LRP1B: variants seen among roughly 807,000 people sequenced by gnomAD.
The protein encoded by LRP1B is LDL receptor related protein 1B.
LRP1B carries 217 observed loss-of-function variants against 556.6 expected under a neutral mutation model. The observed-to-expected ratio is 0.39, with a 90% CI of 0.35 to 0.44. The LOEUF (loss-of-function observed/expected upper bound fraction) is 0.44, where lower values mean the gene tolerates loss of function less well. Ranked by LOEUF, LRP1B falls within the 20% of genes least tolerant of loss-of-function variation. The probability of loss-of-function intolerance (pLI) is 1.00; values close to 1 mark genes in which losing one functional copy is unlikely to be tolerated. For synonymous variants in LRP1B, 2,047 were observed against 1,865.8 expected (o/e 1.10, Z -2.50); for missense variants, 5,053 against 5,620.8 (o/e 0.90, Z 3.23).
chr2:141,159,574 T>A (rs1407711931), intron 7 of LRP1B, among the ~76,000 whole-genome samples: 1 of 152,002 alleles, frequency 6.6e-6, no homozygotes, highest in Admixed American at 6.6e-5. Flanking sequence ...CCGAGGGTAA[T>A]TCTTAAAAAG....
intron 3 of LRP1B, among the ~76,000 whole-genome samples, chr2:141,404,005 G>T (rs1292092863): frequency 4.6e-5 from 7 of 152,006 alleles, no homozygotes; most frequent in South Asian, 4.1e-4. Context: ...CTTCTTTCTG[G>T]ATCTCCAAAT....
At chr2:141,166,079 T>C (rs1329131008) in intron 7 of LRP1B, among the ~76,000 whole-genome samples, 1 of 152,008 alleles carries the variant, frequency 6.6e-6, no homozygotes, top group African/African-American at 2.4e-5. Context: ...CTACTTTTGC[T>C]TCCTTACCCC....
intron 1 of LRP1B, among the ~76,000 whole-genome samples, chr2:142,035,254 C>G (rs1312319503): frequency 1.3e-5 from 2 of 151,656 alleles, no homozygotes; most frequent in Non-Finnish European, 3.0e-5. Flanking sequence ...AACTTCCTCC[C>G]ACTTGTAACT....
At chr2:141,405,750 T>A (rs1393359233) in intron 3 of LRP1B, among the ~76,000 whole-genome samples, 1 of 152,178 alleles carries the variant, frequency 6.6e-6, no homozygotes, top group African/African-American at 2.4e-5. Flanking sequence ...TATCTTGTTA[T>A]TTTTGGTTAT....
chr2:140,515,898 CTCTA>C (rs946043533), intron 50 of LRP1B, among the ~76,000 whole-genome samples: 14 of 152,010 alleles, frequency 9.2e-5, no homozygotes, highest in African/African-American at 1.4e-4. Flanking sequence ...CTTTTTTCTA[CTCTA>C]TCTATTCACC....
intron 32 of LRP1B, among the ~76,000 whole-genome samples, chr2:140,797,747 G>C (rs1362785757): frequency 1.3e-5 from 2 of 152,060 alleles, no homozygotes; most frequent in Middle Eastern, 3.4e-3. Context: ...TTTTTAACTA[G>C]AATAAAGGTT....
intron 7 of LRP1B, among the ~76,000 whole-genome samples, chr2:141,177,320 C>T (rs1391069832): frequency 6.6e-6 from 1 of 152,062 alleles, no homozygotes; most frequent in Non-Finnish European, 1.5e-5. Flanking sequence ...TTTCTGGAAG[C>T]TAGTGTTACC....
At chr2:141,845,105 C>T (rs1490436040) in intron 1 of LRP1B, among the ~76,000 whole-genome samples, 1 of 148,582 alleles carries the variant, frequency 6.7e-6, no homozygotes, top group Admixed American at 6.9e-5. Context: ...TAATTCAGTA[C>T]TGTTATGGTC....
At chr2:141,015,101 A>G (rs1221633742) in intron 13 of LRP1B, among the ~76,000 whole-genome samples, 1 of 152,116 alleles carries the variant, frequency 6.6e-6, no homozygotes, top group Non-Finnish European at 1.5e-5. Flanking sequence ...CATGAAATAT[A>G]GAGGTTTTGT....
chr2:141,912,178 T>C (rs1276947417), intron 1 of LRP1B, among the ~76,000 whole-genome samples: 1 of 152,182 alleles, frequency 6.6e-6, no homozygotes, highest in Non-Finnish European at 1.5e-5. Context: ...GCATAAATCT[T>C]GCTTTGTCAA....
chr2:141,312,362 C>T (rs1214472139), intron 3 of LRP1B, among the ~76,000 whole-genome samples: 1 of 152,078 alleles, frequency 6.6e-6, no homozygotes, highest in Non-Finnish European at 1.5e-5. Flanking sequence ...TTTTTAATAA[C>T]ATTTTCTTTA....
chr2:141,542,572 T>G (rs1333636778), intron 2 of LRP1B, among the ~76,000 whole-genome samples: 1 of 152,110 alleles, frequency 6.6e-6, no homozygotes, highest in African/African-American at 2.4e-5. Flanking sequence ...TGCTTTGATT[T>G]TTCATCTGAA....
intron 2 of LRP1B, among the ~76,000 whole-genome samples, chr2:141,723,893 T>C (rs1337121454): frequency 1.3e-5 from 2 of 151,800 alleles, no homozygotes; most frequent in Non-Finnish European, 2.9e-5. Flanking sequence ...CTCAATCCAC[T>C]TAAAATTCAC....
intron 8 of LRP1B, 24 bp from the exon 9 acceptor site, chr2:141,059,078 T>C (rs779547688): frequency 7.3e-7 from 1 of 1,375,264 alleles, no homozygotes; most frequent in Non-Finnish European, 9.7e-7. Flanking sequence ...AAAACATAAC[T>C]ATGATTTTTA....
intron 2 of LRP1B, among the ~76,000 whole-genome samples, chr2:141,585,932 T>C (rs1415047614): frequency 1.3e-5 from 2 of 151,768 alleles, no homozygotes; most frequent in Admixed American, 6.6e-5. Flanking sequence ...TGCTCAAGCT[T>C]GTCGCGAACT....
intron 1 of LRP1B, among the ~76,000 whole-genome samples, chr2:142,073,735 T>C (rs1391929993): frequency 6.6e-6 from 1 of 151,960 alleles, no homozygotes; most frequent in Non-Finnish European, 1.5e-5. Flanking sequence ...TGGGAGGTGA[T>C]TGGGTCATGG....
chr2:141,941,285 C>T (rs1700792465), intron 1 of LRP1B, among the ~76,000 whole-genome samples: 1 of 152,188 alleles, frequency 6.6e-6, no homozygotes, highest in African/African-American at 2.4e-5. Context: ...AAAGTATTTA[C>T]AAGCCCCAGT....
chr2:140,828,482 G>A (rs4334438), intron 31 of LRP1B, among the ~76,000 whole-genome samples: 34,417 of 141,714 alleles, frequency 0.24, 3,375 homozygotes, highest in Non-Finnish European at 0.28. Context: ...GGTAGCGGGC[G>A]CCTGTAGTCC....
intron 29 of LRP1B, among the ~76,000 whole-genome samples, chr2:140,849,524 T>A (rs1692391588): frequency 6.6e-6 from 1 of 152,068 alleles, no homozygotes; most frequent in African/African-American, 2.4e-5. Flanking sequence ...TATTTAGACA[T>A]GTAAATTTTT....
Sources: allele counts gnomAD v4.1 joint callset (sites outside exome capture counted in the v4.1 genomes callset), GRCh38; gene constraint gnomAD v4.1.1; transcripts MANE v1.5; gene names NCBI Gene and HGNC (gene_info 2026-07-23, HGNC 2026-07-21).